The following JAZF1 variants were observed in gnomAD, a reference collection of about 807,000 sequenced individuals.
JAZF1 encodes the protein juxtaposed with another zinc finger protein 1.
Under a neutral mutation model 26.4 loss-of-function variants are expected in JAZF1, and 8 were observed. The ratio of observed to expected loss-of-function variants is 0.30; its 90% CI spans 0.18 to 0.55. JAZF1 has a LOEUF of 0.55. Ranked by LOEUF, JAZF1 falls within the 20% of genes least tolerant of loss-of-function variation. JAZF1 has a pLI of 0.94. For missense variants in JAZF1, 199 were observed against 322.0 expected, an observed-to-expected ratio of 0.62 and a Z score of 2.92; for synonymous variants, 126 against 122.3, an observed-to-expected ratio of 1.03 and a Z score of -0.20.
chr7:27,838,229 G>A (rs745677683), intron 4 of JAZF1, among the ~76,000 whole-genome samples: 12 of 152,050 alleles, frequency 7.9e-5, no homozygotes, highest in Non-Finnish European at 1.6e-4. Flanking sequence ...TCTTTTGTTA[G>A]AGAGAATCTG....
rs544717678 is a variant in JAZF1 at position 27,991,472 on chromosome 7, C to T, written c.188+437G>A. Among the ~76,000 whole-genome samples the T allele has an allele frequency of 6.6e-5, 10 of 152,194 alleles. No individual in the cohort carries two copies. The South Asian group carries it at 2.1e-3, about 32-fold the overall frequency. On this transcript the variant is annotated intron_variant, in intron 2 of 4. Transcript: ENST00000283928. Reference sequence around the variant, plus strand: ...GGGTCAGTTGTTGAGAATGTTTTTACTAAAAGATGAGCTGCTTCTAAATAA... The same window carrying T: ...GGGTCAGTTGTTGAGAATGTTTTTATTAAAAGATGAGCTGCTTCTAAATAA...
Position 27,877,003 on chromosome 7 carries a change from T to C in JAZF1, c.385+18217A>G, listed in dbSNP as rs141839369. On this transcript the variant is annotated intron_variant, in intron 3 of 4. Transcript: ENST00000283928. Reference sequence around the variant, plus strand: ...ACAAGAGGGTTACTCTTTGGTGAAATTGCTCCTTGGGGAGGTTACTGTGAA... The same window carrying C: ...ACAAGAGGGTTACTCTTTGGTGAAACTGCTCCTTGGGGAGGTTACTGTGAA... Among the ~76,000 whole-genome samples the C allele has an allele frequency of 3.5e-3, 537 of 152,254 alleles. 1 individual carries two copies. The highest frequency in any genetic ancestry group is 0.012 in the African/African-American group (519 of 41,552).
intron 3 of JAZF1, among the ~76,000 whole-genome samples, chr7:27,860,490 ATCC>A (rs1294470341): frequency 6.6e-6 from 1 of 152,074 alleles, no homozygotes; most frequent in Admixed American, 6.5e-5. Flanking sequence ...TCTCATCTTC[ATCC>A]TCCTCCTCAT....
In JAZF1 at chr7:28,045,843, G is replaced by A. The variant is rs138194948; in HGVS notation, c.116-53862C>T. Among the ~76,000 whole-genome samples the A allele has an allele frequency of 5.2e-3, 796 of 152,222 alleles. 4 individuals carry two copies. The highest frequency in any genetic ancestry group is 0.014 in the Middle Eastern group (4 of 294). ...CCTAACTTGGCCTCCCAAAGTGCTGGGATTACAGGAATGAGCCACTGTGCC... is the reference window on the plus strand; with the variant it reads ...CCTAACTTGGCCTCCCAAAGTGCTGAGATTACAGGAATGAGCCACTGTGCC... On this transcript the variant is annotated intron_variant, in intron 1 of 4. Transcript: ENST00000283928.
intron 3 of JAZF1, among the ~76,000 whole-genome samples, chr7:27,893,373 TG>T (rs1336568792): frequency 6.6e-6 from 1 of 152,216 alleles, no homozygotes; most frequent in Non-Finnish European, 1.5e-5. Context: ...TGGTTACAAG[TG>T]GGTTCTCTTT....
chr7:28,112,757 G>A (rs1021241640), intron 1 of JAZF1, among the ~76,000 whole-genome samples: 2 of 152,190 alleles, frequency 1.3e-5, no homozygotes, highest in Admixed American at 1.3e-4. Context: ...GGGGAGGAAG[G>A]GGAGCAAATG....
chr7:27,996,144 G>A (rs1786011153), intron 1 of JAZF1, among the ~76,000 whole-genome samples: 1 of 152,184 alleles, frequency 6.6e-6, no homozygotes, highest in Non-Finnish European at 1.5e-5. Flanking sequence ...TTATTTGCCT[G>A]GTCAGGTGAG....
At chr7:28,065,191 G>C (rs2128383519) in intron 1 of JAZF1, among the ~76,000 whole-genome samples, 1 of 152,276 alleles carries the variant, frequency 6.6e-6, no homozygotes, top group East Asian at 1.9e-4. Context: ...GTAAGATTTG[G>C]GGGTGGTAGG....
At chr7:27,976,540 A>G (rs1583489123) in intron 2 of JAZF1, among the ~76,000 whole-genome samples, 1 of 152,076 alleles carries the variant, frequency 6.6e-6, no homozygotes, top group Non-Finnish European at 1.5e-5. Context: ...AGCATGCAAC[A>G]TGTTTATTAT....
chr7:27,879,436 C>A (rs565470754), intron 3 of JAZF1, among the ~76,000 whole-genome samples: 2 of 152,128 alleles, frequency 1.3e-5, no homozygotes, highest in African/African-American at 4.8e-5. Context: ...GCATCATGAA[C>A]AGAGAGGGAA....
intron 3 of JAZF1, among the ~76,000 whole-genome samples, chr7:27,856,876 T>C (rs564508653): frequency 8.5e-5 from 13 of 152,292 alleles, no homozygotes; most frequent in Middle Eastern, 3.4e-3. Context: ...CAGGTGCTGA[T>C]TGTGTTTACA....
intron 3 of JAZF1, among the ~76,000 whole-genome samples, chr7:27,894,747 CCCCTT>C (rs753441609): frequency 2.8e-4 from 43 of 152,248 alleles, no homozygotes; most frequent in Admixed American, 1.0e-3. Context: ...ACAAGGACTC[CCCCTT>C]CTTCTCAAGG....
At chr7:27,921,674 C>T (rs1274300318) in intron 2 of JAZF1, among the ~76,000 whole-genome samples, 1 of 152,128 alleles carries the variant, frequency 6.6e-6, no homozygotes, top group Non-Finnish European at 1.5e-5. Context: ...ATATCATCTT[C>T]ATCATCATCG....
chr7:27,909,360 G>A (rs1784319693), intron 2 of JAZF1, among the ~76,000 whole-genome samples: 1 of 151,558 alleles, frequency 6.6e-6, no homozygotes, highest in South Asian at 2.1e-4. Context: ...GGACGCAGAT[G>A]TTGATGATGG....
chr7:27,900,679 G>A (rs1784149428), intron 2 of JAZF1, among the ~76,000 whole-genome samples: 1 of 152,166 alleles, frequency 6.6e-6, no homozygotes, highest in Non-Finnish European at 1.5e-5. Flanking sequence ...ATCAGGGAAG[G>A]AACGAAGAAT....
intron 1 of JAZF1, among the ~76,000 whole-genome samples, chr7:28,092,247 A>T (rs565692924): frequency 1.2e-4 from 16 of 136,854 alleles, no homozygotes; most frequent in Admixed American, 2.4e-4. Context: ...TTAACCTGAC[A>T]GCAATAATCT....
chr7:27,933,815 C>T (rs1264986974), intron 2 of JAZF1, among the ~76,000 whole-genome samples: 9 of 151,864 alleles, frequency 5.9e-5, no homozygotes, highest in South Asian at 4.2e-4. Flanking sequence ...AATGGGAAGG[C>T]GGTTGGAGTG....
intron 1 of JAZF1, among the ~76,000 whole-genome samples, chr7:28,164,199 C>T (rs1374052232): frequency 6.6e-6 from 1 of 152,232 alleles, no homozygotes; most frequent in African/African-American, 2.4e-5. Context: ...CAGCTGAACC[C>T]AGCCTCAATC....
In JAZF1 at chr7:27,910,597, C is replaced by A. The variant is rs1373168063; in HGVS notation, c.189-15181G>T. On this transcript the variant is annotated intron_variant, in intron 2 of 4. Coordinates refer to ENST00000283928, the MANE Select transcript of JAZF1 (RefSeq NM_175061.4). ...CAAAGCTTTTCTCAGAGAGTACAGG[C>A]CCCTATTTCAGGCCAGCCAACCTGA... is the stretch of plus-strand genomic sequence containing the variant. Among the ~76,000 whole-genome samples, 3 of 152,298 alleles carry A rather than the reference C, an allele frequency of 2.0e-5. No individual in the cohort carries two copies. The South Asian group carries it at 6.2e-4, about 32-fold the overall frequency.
Sources: allele counts gnomAD v4.1 joint callset (sites outside exome capture counted in the v4.1 genomes callset), GRCh38; gene constraint gnomAD v4.1.1; transcripts MANE v1.5; gene names NCBI Gene and HGNC (gene_info 2026-07-23, HGNC 2026-07-21).